The following LSAMP variants were observed in gnomAD, a reference collection of about 807,000 sequenced individuals.
LSAMP encodes the protein limbic system associated membrane protein.
LSAMP carries 7 observed loss-of-function variants against 38.6 expected under a neutral mutation model. The ratio of observed to expected loss-of-function variants is 0.18; its 90% CI spans 0.10 to 0.34. The LOEUF (loss-of-function observed/expected upper bound fraction) is 0.34, where lower values mean the gene tolerates loss of function less well. Among genes scored for constraint, LSAMP ranks in the 10% least tolerant of loss-of-function variants. The pLI is 1.00. For synonymous variants in LSAMP, 154 were observed against 166.8 expected, an observed-to-expected ratio of 0.92 and a Z score of 0.59; for missense variants, 313 against 420.0, an observed-to-expected ratio of 0.75 and a Z score of 2.23.
At chr3:116,320,346 T>C (rs1286162494) in intron 1 of LSAMP, among the ~76,000 whole-genome samples, 3 of 151,976 alleles carry the variant, frequency 2.0e-5, no homozygotes, top group African/African-American at 7.3e-5. Flanking sequence ...CAAGGAGGCG[T>C]AGGTTGCAGC....
At chr3:116,439,084 A>G (rs1238088697) in intron 1 of LSAMP, among the ~76,000 whole-genome samples, 2 of 152,130 alleles carry the variant, frequency 1.3e-5, no homozygotes, top group Non-Finnish European at 2.9e-5. Flanking sequence ...CAAAAGAACG[A>G]CAACCTGTGC....
At chr3:116,209,639 G>T (rs2046126265) in intron 1 of LSAMP, among the ~76,000 whole-genome samples, 2 of 152,120 alleles carry the variant, frequency 1.3e-5, no homozygotes, top group Non-Finnish European at 2.9e-5. Flanking sequence ...AGTAAGACAA[G>T]CTAAGGTGGA....
In LSAMP at chr3:116,002,585, G is replaced by T. The variant is rs1231139007; in HGVS notation, c.514+16930C>A. On this transcript the variant is annotated intron_variant, in intron 3 of 6. Coordinates refer to ENST00000490035, the MANE Select transcript of LSAMP (RefSeq NM_002338.5). Reference sequence around the variant, plus strand: ...TCCCAGTGCACTCAGAGAATAAGGGGAAGTCATGATTAAGGTTATGAGAGA... The same window carrying T: ...TCCCAGTGCACTCAGAGAATAAGGGTAAGTCATGATTAAGGTTATGAGAGA... Among the ~76,000 whole-genome samples the T allele has an allele frequency of 2.4e-4, 36 of 152,150 alleles. 1 individual carries two copies. The highest frequency in any genetic ancestry group is 2.3e-3 in the Admixed American group (35 of 15,268).
chr3:115,850,616 A>G (rs1009170363), intron 4 of LSAMP, among the ~76,000 whole-genome samples: 1 of 152,250 alleles, frequency 6.6e-6, no homozygotes, highest in African/African-American at 2.4e-5. Context: ...TGGCATTTCA[A>G]AACTCTATTA....
chr3:115,968,637 C>G (rs1166559687), intron 3 of LSAMP, among the ~76,000 whole-genome samples: 1 of 152,194 alleles, frequency 6.6e-6, no homozygotes, highest in Non-Finnish European at 1.5e-5. Context: ...TCTCCCAGAG[C>G]TGTGAGCTGC....
At chr3:116,154,536 C>T (rs1265548487) in intron 1 of LSAMP, among the ~76,000 whole-genome samples, 1 of 152,136 alleles carries the variant, frequency 6.6e-6, no homozygotes, top group Non-Finnish European at 1.5e-5. Context: ...TGCTCTAAGA[C>T]TTTACTGGGT....
At chr3:116,081,205 T>G (rs1299713632) in intron 2 of LSAMP, among the ~76,000 whole-genome samples, 1 of 152,172 alleles carries the variant, frequency 6.6e-6, no homozygotes, top group Non-Finnish European at 1.5e-5. Flanking sequence ...GGCTCATGCC[T>G]GTATTCCCAG....
intron 1 of LSAMP, among the ~76,000 whole-genome samples, chr3:116,246,461 C>CT (rs1282002104): frequency 5.3e-5 from 8 of 152,120 alleles, no homozygotes; most frequent in Non-Finnish European, 5.9e-5. Flanking sequence ...AATCTCCTAC[C>CT]TTTTTTTGCA....
At chr3:115,871,456 A>G (rs1936030441) in intron 3 of LSAMP, among the ~76,000 whole-genome samples, 1 of 152,122 alleles carries the variant, frequency 6.6e-6, no homozygotes, top group Non-Finnish European at 1.5e-5. Flanking sequence ...GCCTCAGGAA[A>G]GGCAGAGTCA....
Position 116,220,984 on chromosome 3 carries a change from C to A in LSAMP, c.156-134428G>T, listed in dbSNP as rs113037070. ...CCTGGCTAACACGGTGAAACCCCAT[C>A]TCTACTAAAAATACAAAAATTAGCC... is the stretch of plus-strand genomic sequence containing the variant. On this transcript the variant is annotated intron_variant, in intron 1 of 6. Coordinates refer to ENST00000490035, the MANE Select transcript of LSAMP (RefSeq NM_002338.5). 3.2e-3 allele frequency among the ~76,000 whole-genome samples: 492 copies of A among 152,024 alleles called. 2 individuals carry two copies. The highest frequency in any genetic ancestry group is 0.013 in the South Asian group (62 of 4,824).
chr3:116,071,049 TAAATAATAAATA>T (rs776370159), intron 2 of LSAMP, among the ~76,000 whole-genome samples: 69 of 137,390 alleles, frequency 5.0e-4, no homozygotes, highest in African/African-American at 6.5e-4. Flanking sequence ...TCAAAATAAA[TAAATAATAAATA>T]AATAAATAAA....
At chr3:116,441,830 T>C (rs1307555277) in intron 1 of LSAMP, among the ~76,000 whole-genome samples, 1 of 152,210 alleles carries the variant, frequency 6.6e-6, no homozygotes, top group African/African-American at 2.4e-5. Context: ...GTTGTTCTAT[T>C]TAGGGAGGAC....
At chr3:116,288,333 G>A (rs1310967171) in intron 1 of LSAMP, among the ~76,000 whole-genome samples, 1 of 152,178 alleles carries the variant, frequency 6.6e-6, no homozygotes, top group Non-Finnish European at 1.5e-5. Flanking sequence ...ACAGATGAGA[G>A]AAGGTATCGT....
At chr3:115,934,677 T>G (rs941012145) in intron 3 of LSAMP, among the ~76,000 whole-genome samples, 1 of 152,196 alleles carries the variant, frequency 6.6e-6, no homozygotes, top group African/African-American at 2.4e-5. Flanking sequence ...ATTTATTTTC[T>G]TTTCTACACA....
chr3:116,370,403 T>C (rs1239315158), intron 1 of LSAMP, among the ~76,000 whole-genome samples: 2 of 152,202 alleles, frequency 1.3e-5, no homozygotes, highest in Non-Finnish European at 2.9e-5. Flanking sequence ...GCAGAATCTG[T>C]CTGCTTAATT....
intron 1 of LSAMP, among the ~76,000 whole-genome samples, chr3:116,373,921 G>A (rs941832554): frequency 6.6e-6 from 1 of 151,886 alleles, no homozygotes; most frequent in Non-Finnish European, 1.5e-5. Context: ...TACTAGCTGA[G>A]TCAGCCAACA....
chr3:116,198,808 C>A (rs1328458556), intron 1 of LSAMP, among the ~76,000 whole-genome samples: 2 of 139,564 alleles, frequency 1.4e-5, no homozygotes, highest in Non-Finnish European at 3.1e-5. Flanking sequence ...CTGGGCGCAG[C>A]GGCTCATGCC....
At chr3:116,430,633 C>T (rs1438705332) in intron 1 of LSAMP, among the ~76,000 whole-genome samples, 1 of 151,956 alleles carries the variant, frequency 6.6e-6, no homozygotes, top group East Asian at 1.9e-4. Flanking sequence ...ATTATAGATA[C>T]TTCTAATTCC....
At chr3:116,106,259 T>G (rs1708464347) in intron 1 of LSAMP, among the ~76,000 whole-genome samples, 1 of 152,200 alleles carries the variant, frequency 6.6e-6, no homozygotes, top group South Asian at 2.1e-4. Flanking sequence ...TGTAATGGCT[T>G]GGAGAAACAG....
Sources: gnomAD v4.1 joint callset for allele counts (sites outside exome capture counted in the v4.1 genomes callset) on GRCh38, gnomAD v4.1.1 for gene constraint, MANE v1.5 for transcripts, NCBI Gene and HGNC (gene_info 2026-07-23, HGNC 2026-07-21) for gene names.